The following FBN1 variants were observed in gnomAD, a reference collection of about 807,000 sequenced individuals.
FBN1 encodes fibrillin 1, also known as fibrillin-1.
A neutral mutation model predicts 365.1 loss-of-function variants in FBN1; 29 were observed. That is an observed-to-expected ratio of 0.08 (90% CI 0.06 to 0.11). The LOEUF is 0.11. Ranked by LOEUF, FBN1 falls within the 10% of genes least tolerant of loss-of-function variation. The pLI, the probability that FBN1 is intolerant of heterozygous loss-of-function variation, is 1.00. For missense variants in FBN1, 2,476 were observed against 3,703.2 expected, an observed-to-expected ratio of 0.67 and a Z score of 8.60; for synonymous variants, 1,210 against 1,270.5, an observed-to-expected ratio of 0.95 and a Z score of 1.01.
chr15:48,534,042 C>G (rs779522635), intron 8 of FBN1, 38 bp downstream of exon 8: 1 of 1,611,806 alleles, frequency 6.2e-7, no homozygotes, highest in African/African-American at 1.3e-5. Flanking sequence ...TGCCTGCCCC[C>G]ACTACACCCC....
intron 9 of FBN1, among the ~76,000 whole-genome samples, chr15:48,525,235 C>T (rs1209268329): frequency 6.6e-6 from 1 of 151,990 alleles, no homozygotes; most frequent in African/African-American, 2.4e-5. Flanking sequence ...TACAGGCACC[C>T]GCCACGACGC....
At chr15:48,610,882 G>A (rs1246415299) in intron 3 of FBN1, 56 bp from the exon 4 acceptor site, 10 of 1,455,280 alleles carry the variant, frequency 6.9e-6, no homozygotes, top group Non-Finnish European at 8.7e-6. Context: ...ATTTGTTATA[G>A]GGGACCAATC....
At chr15:48,505,512 T>C (rs558802189) in intron 15 of FBN1, among the ~76,000 whole-genome samples, 2 of 152,224 alleles carry the variant, frequency 1.3e-5, no homozygotes, top group Admixed American at 1.3e-4. Context: ...CTCTCAGAAA[T>C]CTAGGGTAAT....
At chr15:48,578,546 G>A (rs2044366428) in intron 6 of FBN1, among the ~76,000 whole-genome samples, 1 of 152,010 alleles carries the variant, frequency 6.6e-6, no homozygotes, top group African/African-American at 2.4e-5. Context: ...GGATGGCTGG[G>A]TCAAATGGTA....
chr15:48,570,268 C>G (rs1741146610), intron 6 of FBN1, among the ~76,000 whole-genome samples: 1 of 152,134 alleles, frequency 6.6e-6, no homozygotes, highest in Admixed American at 6.6e-5. Flanking sequence ...GGACTTAACA[C>G]AGTTGGCTTA....
At chr15:48,644,397 A>G (rs879876424) in intron 2 of FBN1, 1 of 688,194 alleles carries the variant, frequency 1.5e-6, no homozygotes, top group Non-Finnish European at 2.5e-6. Flanking sequence ...CCATTTAACC[A>G]CGTCCTCTCC....
At chr15:48,494,156 A>T in intron 23 of FBN1, 48 bp downstream of exon 23, 1 of 1,454,138 alleles carries the variant, frequency 6.9e-7, no homozygotes, top group Non-Finnish European at 9.7e-7. Context: ...TAACACAAAC[A>T]TTCATTATGC....
Position 48,444,765 on chromosome 15 carries a change from CA to C in FBN1, c.5918-106del. On this transcript the variant is annotated intron_variant, in intron 48 of 65. Coordinates refer to ENST00000316623, the MANE Select transcript of FBN1 (RefSeq NM_000138.5). The stretch of plus-strand genomic sequence containing the variant: ...GAATGAATCAAAGAAATACATAAAG[CA>C]AATTAAAGTTCATAAAATTCCACCA... 3 of 1,249,636 alleles carry C rather than the reference CA, an allele frequency of 2.4e-6. No individual in the cohort carries two copies. The East Asian group carries it at 7.1e-5, about 30-fold the overall frequency. 77.4% of individuals were successfully genotyped at this position (1,249,636 alleles called of 1,614,324 possible).
rs947068580 is a variant in FBN1 at position 48,582,154 on chromosome 15, A to G, written c.538+14129T>C. Among the ~76,000 whole-genome samples, 5 of 152,354 alleles carry G rather than the reference A, an allele frequency of 3.3e-5. No homozygotes were observed. In the East Asian group the frequency reaches 9.6e-4, roughly 29 times the overall value. On this transcript the variant is annotated intron_variant, in intron 6 of 65. Coordinates refer to ENST00000316623, the MANE Select transcript of FBN1 (RefSeq NM_000138.5). ...AAAAAGTACAGATGGTAGATCAGTC[A>G]TTTCTTTTTTGAATTACAGGAAATT...
In FBN1 at chr15:48,489,997, G is replaced by A; in HGVS notation, c.2936C>T (p.Ala979Val). 2.5e-6 allele frequency: 4 copies of A among 1,614,126 alleles called. No individual in the cohort carries two copies. Among genetic ancestry groups the A allele is most frequent in the Non-Finnish European group, 3.4e-6 (4 of 1,180,030 alleles). ...GGCTGCCCCGACGGAGCAGCAGCAG[G>A]CGTCCATGCGGTGGCGGCCAGCAAT... Reference protein sequence around the residue: ...LPIAGRHRMDACCCSVGAAWG... With the variant: ...LPIAGRHRMDVCCCSVGAAWG... The change falls in exon 25 of 66, where the codon GCC (alanine) becomes GTC (valine). Residue 979 changes from alanine (A) to valine (V), a missense_variant. Transcript: ENST00000316623.
chr15:48,521,489 A>G (rs1296890165), intron 9 of FBN1, among the ~76,000 whole-genome samples: 1 of 152,212 alleles, frequency 6.6e-6, no homozygotes, highest in African/African-American at 2.4e-5. Context: ...ATAGGATACA[A>G]TAGCTCTAGA....
At chr15:48,468,130 A>G (rs2141272594) in intron 37 of FBN1, 28 bp from the exon 38 acceptor site, 1 of 1,613,486 alleles carries the variant, frequency 6.2e-7, no homozygotes, top group Non-Finnish European at 8.5e-7. Flanking sequence ...ACACAAAAGC[A>G]TCAGGCAGAA....
At chr15:48,519,756 T>C (rs1443887285) in intron 10 of FBN1, among the ~76,000 whole-genome samples, 1 of 152,192 alleles carries the variant, frequency 6.6e-6, no homozygotes, top group African/African-American at 2.4e-5. Context: ...CTCAATCATA[T>C]AATTTAAACT....
At chr15:48,498,499 G>T (rs1274013404) in intron 18 of FBN1, among the ~76,000 whole-genome samples, 1 of 152,042 alleles carries the variant, frequency 6.6e-6, no homozygotes, top group African/African-American at 2.4e-5. Context: ...TATTTCTCTA[G>T]CTAAATATTT....
Position 48,513,198 on chromosome 15 carries a change from A to C in FBN1, c.1588+351T>G, listed in dbSNP as rs546680712. On this transcript the variant is annotated intron_variant, in intron 13 of 65. Coordinates refer to ENST00000316623, the MANE Select transcript of FBN1 (RefSeq NM_000138.5). ...TTTAGAACTTTCCATTAAGAAATTA[A>C]TTGCACATAATTTCAACTGAAATTT... Among the ~76,000 whole-genome samples the C allele has an allele frequency of 2.0e-5, 3 of 152,334 alleles. No individual in the cohort carries two copies. The South Asian group carries it at 6.2e-4, about 32-fold the overall frequency.
At chr15:48,427,534 C>T in intron 58 of FBN1, 33 bp downstream of exon 58, 1 of 1,591,042 alleles carries the variant, frequency 6.3e-7, no homozygotes, top group South Asian at 1.1e-5. Flanking sequence ...AAATAGATTC[C>T]CTGCAAGTAT....
chr15:48,618,043 A>G (rs1807301), intron 2 of FBN1, among the ~76,000 whole-genome samples: 55,247 of 151,900 alleles, frequency 0.36, 11,948 homozygotes, highest in African/African-American at 0.61. Context: ...GGCTAATGAG[A>G]CTGACCCTGC....
At chr15:48,537,269 TAA>T in intron 7 of FBN1, among the ~76,000 whole-genome samples, 1 of 152,174 alleles carries the variant, frequency 6.6e-6, no homozygotes, top group Admixed American at 6.5e-5. Flanking sequence ...AAGAAAAACA[TAA>T]ACTACCTTGT....
intron 6 of FBN1, among the ~76,000 whole-genome samples, chr15:48,564,862 CT>C (rs77229760): frequency 0.024 from 3,580 of 152,260 alleles, 82 homozygotes; most frequent in East Asian, 0.13. Context: ...CTGGTCTCAC[CT>C]TTCCCCCAGG....
Sources: gnomAD v4.1 joint callset for allele counts (sites outside exome capture counted in the v4.1 genomes callset) on GRCh38, gnomAD v4.1.1 for gene constraint, MANE v1.5 for transcripts, NCBI Gene and HGNC (gene_info 2026-07-23, HGNC 2026-07-21) for gene names.